MCC: variants seen among roughly 807,000 people sequenced by gnomAD.
MCC encodes colorectal mutant cancer protein.
Under a neutral mutation model 116.2 loss-of-function variants are expected in MCC, and 90 were observed. The ratio of observed to expected loss-of-function variants is 0.77; its 90% CI spans 0.65 to 0.92. MCC has a LOEUF of 0.92. Ranked by LOEUF, MCC falls within the 40% of genes least tolerant of loss-of-function variation. The pLI is 0.00. For synonymous variants in MCC, 578 were observed against 510.5 expected, an observed-to-expected ratio of 1.13 and a Z score of -1.78; for missense variants, 1,516 against 1,312.2, an observed-to-expected ratio of 1.16 and a Z score of -2.40.
At chr5:113,416,156 G>T (rs1414409752) in intron 1 of MCC, among the ~76,000 whole-genome samples, 1 of 152,186 alleles carries the variant, frequency 6.6e-6, no homozygotes, top group Non-Finnish European at 1.5e-5. Flanking sequence ...GCTGGGAGGT[G>T]CAGACCAGAG....
intron 3 of MCC, among the ~76,000 whole-genome samples, chr5:113,196,208 G>A (rs1280051578): frequency 6.6e-6 from 1 of 152,192 alleles, no homozygotes; most frequent in African/African-American, 2.4e-5. Context: ...CCTTGCTTGT[G>A]CCAACACCTA....
At chr5:113,424,616 G>A (rs981273505) in intron 1 of MCC, among the ~76,000 whole-genome samples, 6 of 152,098 alleles carry the variant, frequency 3.9e-5, no homozygotes, top group African/African-American at 1.4e-4. Flanking sequence ...TTGGAGGCTA[G>A]GCAGGAGAAT....
At chr5:113,189,261 C>A (rs1440989931) in intron 3 of MCC, among the ~76,000 whole-genome samples, 1 of 152,204 alleles carries the variant, frequency 6.6e-6, no homozygotes, top group African/African-American at 2.4e-5. Flanking sequence ...GCCCCTTAAA[C>A]AGTGAGACTC....
intron 1 of MCC, chr5:113,433,837 T>C: frequency 1.2e-6 from 2 of 1,614,004 alleles, no homozygotes; most frequent in Non-Finnish European, 1.7e-6. Flanking sequence ...TGCCTGGACA[T>C]TTGCATTGCT....
chr5:113,032,215 A>C (rs958227193), intron 17 of MCC, among the ~76,000 whole-genome samples: 4 of 152,194 alleles, frequency 2.6e-5, no homozygotes, highest in African/African-American at 9.7e-5. Flanking sequence ...GTTCAAGACC[A>C]GCCTGACCAA....
In MCC at chr5:113,340,205, G is replaced by C. The variant is rs1767975604; in HGVS notation, c.627+314C>G. ...AGAAGCAAGTATATCCTATTAATTT[G>C]TAATGTCTAGAACCATAGAAGTAGT... On this transcript the variant is annotated intron_variant, in intron 3 of 18. Coordinates refer to ENST00000408903, the MANE Select transcript of MCC (RefSeq NM_001085377.2). Among the ~76,000 whole-genome samples, 4 of 152,316 alleles carry C rather than the reference G, an allele frequency of 2.6e-5. No homozygotes were observed. In the South Asian group the frequency reaches 8.3e-4, roughly 32 times the overall value.
intron 3 of MCC, among the ~76,000 whole-genome samples, chr5:113,183,245 C>A (rs981244172): frequency 2.6e-5 from 4 of 152,120 alleles, no homozygotes; most frequent in African/African-American, 9.7e-5. Flanking sequence ...CCAGAGAGGT[C>A]TGGAAAATCT....
intron 1 of MCC, among the ~76,000 whole-genome samples, chr5:113,415,333 G>T (rs2150404630): frequency 6.6e-6 from 1 of 152,286 alleles, no homozygotes; most frequent in Non-Finnish European, 1.5e-5. Flanking sequence ...GGTTGGGGAA[G>T]CTCTCCTGGA....
intron 3 of MCC, among the ~76,000 whole-genome samples, chr5:113,308,796 C>T (rs1398659072): frequency 6.7e-6 from 1 of 148,594 alleles, no homozygotes; most frequent in Non-Finnish European, 1.5e-5. Flanking sequence ...GAGCAAGACC[C>T]TAAGACCCTG....
In MCC at chr5:113,085,179, G is replaced by C. The variant is rs1426724427; in HGVS notation, c.1530C>G (p.Asp510Glu). ...AGGAACTCACCTTGGCGATGGGAAT[G>C]TCATTGCTGCTGCTGCTTGTGCTCA... ...GELSTSSSSNDIPIAKIAERV... is the reference protein window; with the variant it reads ...GELSTSSSSNEIPIAKIAERV... Residue 510 changes from aspartate to glutamate, a missense_variant, in exon 9 of 19, where the codon GAC (aspartate) becomes GAG (glutamate). By Grantham distance (45) the Asp-to-Glu change is conservative. Transcript: ENST00000408903. 1 of 1,614,220 alleles carries C rather than the reference G, an allele frequency of 6.2e-7. No individual in the cohort carries two copies.
chr5:113,133,633 T>C (rs1332102367), intron 5 of MCC, among the ~76,000 whole-genome samples: 1 of 152,212 alleles, frequency 6.6e-6, no homozygotes, highest in African/African-American at 2.4e-5. Context: ...TTCTTTTGGA[T>C]ATATACCCAG....
chr5:113,049,189 G>C lies in MCC; in HGVS notation c.2559C>G (p.His853Gln), dbSNP rs1752321824. Residue 853 changes from histidine (H) to glutamine (Q), a missense_variant, in exon 16 of 19, where the codon CAC becomes CAG. His to Gln is a conservative substitution (Grantham distance 24). Transcript: ENST00000408903. ...REAQEQAYLV[H>Q]IEHLKSEVEE... Reference sequence around the variant, plus strand: ...CCACCTCGGACTTCAGGTGCTCAATGTGCACCAGGTAGGCCTGCTCCTGGG... The same window carrying C: ...CCACCTCGGACTTCAGGTGCTCAATCTGCACCAGGTAGGCCTGCTCCTGGG... The C allele has an allele frequency of 1.2e-6, 2 of 1,614,168 alleles. No homozygotes were observed. Among genetic ancestry groups the C allele is most frequent in the Non-Finnish European group, 1.7e-6 (2 of 1,180,036 alleles).
In MCC at chr5:113,101,842, T is replaced by C. The variant is rs1382625778; in HGVS notation, c.1295A>G (p.Asn432Ser). The C allele has an allele frequency of 6.2e-7, 1 of 1,613,642 alleles. No homozygotes were observed. The highest frequency in any genetic ancestry group is 8.5e-7 in the Non-Finnish European group (1 of 1,180,014). ...EKELAGLREE[N>S]ESLTAMLCSK... is the part of the protein sequence containing the mutation. ...GCACAGCATGGCAGTCAGGCTCTCATTCTCTTCCCTCAGCCCAGCCAGCTC... is the reference window on the plus strand; with the variant it reads ...GCACAGCATGGCAGTCAGGCTCTCACTCTCTTCCCTCAGCCCAGCCAGCTC... The change falls in exon 8 of 19, where the codon AAT becomes AGT. Residue 432 changes from asparagine (N) to serine (S), a missense_variant. Asn to Ser is a conservative substitution (Grantham distance 46, BLOSUM62 1). Coordinates refer to ENST00000408903, the MANE Select transcript of MCC (RefSeq NM_001085377.2).
chr5:113,476,758 G>A (rs948447747), intron 1 of MCC, among the ~76,000 whole-genome samples: 3 of 152,152 alleles, frequency 2.0e-5, no homozygotes, highest in African/African-American at 7.2e-5. Context: ...TAGGGGAAAT[G>A]AGGATGACTG....
chr5:113,040,532 T>C (rs564712820), intron 17 of MCC, among the ~76,000 whole-genome samples: 1 of 152,264 alleles, frequency 6.6e-6, no homozygotes, highest in East Asian at 1.9e-4. Context: ...ACCTCAACCA[T>C]AAGCTCGGCT....
In MCC at chr5:113,311,382, G is replaced by A. The variant is rs371021516; in HGVS notation, c.627+29137C>T. 3.9e-5 allele frequency among the ~76,000 whole-genome samples: 6 copies of A among 152,186 alleles called. No individual in the cohort carries two copies. In the East Asian group the frequency reaches 5.8e-4, roughly 15 times the overall value. ...TCATGTTTCCTCTTACATATCTGCC[G>A]CTAACGTGAGTGCATGTCTAGGCCA... On this transcript the variant is annotated intron_variant, in intron 3 of 18. Coordinates refer to ENST00000408903, the MANE Select transcript of MCC (RefSeq NM_001085377.2).
chr5:113,478,806 C>G (rs1290127321), intron 1 of MCC, among the ~76,000 whole-genome samples: 1 of 152,152 alleles, frequency 6.6e-6, no homozygotes, highest in East Asian at 1.9e-4. Flanking sequence ...TCTTGCCAGT[C>G]TCACAGAGAG....
chr5:113,131,206 C>A (rs1443689), intron 5 of MCC, among the ~76,000 whole-genome samples: 38,458 of 152,100 alleles, frequency 0.25, 5,536 homozygotes, highest in South Asian at 0.35. Flanking sequence ...AAAATAACCT[C>A]CTTGGGAAAG....
intron 3 of MCC, among the ~76,000 whole-genome samples, chr5:113,195,081 T>C (rs571756158): frequency 6.6e-6 from 1 of 152,244 alleles, no homozygotes; most frequent in East Asian, 1.9e-4. Flanking sequence ...CAGTGCACAG[T>C]GTGGACTAAA....
Sources: gnomAD v4.1 joint callset for allele counts (sites outside exome capture counted in the v4.1 genomes callset) on GRCh38, gnomAD v4.1.1 for gene constraint, MANE v1.5 for transcripts, NCBI Gene and HGNC (gene_info 2026-07-23, HGNC 2026-07-21) for gene names.